The following EXD3 variants were observed in gnomAD, a reference collection of about 807,000 sequenced individuals.
The protein encoded by EXD3 is exonuclease 3'-5' domain containing 3.
Under a neutral mutation model 98.0 loss-of-function variants are expected in EXD3, and 92 were observed. The observed-to-expected ratio is 0.94, with a 90% CI of 0.79 to 1.12. EXD3 has a LOEUF of 1.12. Among genes scored for constraint, EXD3 ranks in the 50% most tolerant of loss-of-function variants. The probability of loss-of-function intolerance (pLI) is 0.00; values close to 1 mark genes in which losing one functional copy is unlikely to be tolerated. For missense variants in EXD3, 1,222 were observed against 1,191.6 expected, an observed-to-expected ratio of 1.03 and a Z score of -0.38; for synonymous variants, 569 against 526.0, an observed-to-expected ratio of 1.08 and a Z score of -1.12.
chr9:137,328,695 CA>C (rs1832675001), intron 17 of EXD3, among the ~76,000 whole-genome samples: 1 of 64,830 alleles, frequency 1.5e-5, no homozygotes, highest in Non-Finnish European at 2.8e-5. Flanking sequence ...CACGGGACTA[CA>C]CAGGGTCACA....
At chr9:137,399,616 G>A (rs867600411) in intron 1 of EXD3, among the ~76,000 whole-genome samples, 15 of 152,042 alleles carry the variant, frequency 9.9e-5, no homozygotes, top group South Asian at 6.2e-4. Flanking sequence ...TCATTTTCAC[G>A]CTGCTGATAA....
intron 8 of EXD3, among the ~76,000 whole-genome samples, chr9:137,355,835 C>G (rs1418544576): frequency 1.3e-5 from 2 of 152,192 alleles, no homozygotes; most frequent in African/African-American, 4.8e-5. Flanking sequence ...GGCCTCAGTG[C>G]ATCTTCCCGG....
intron 7 of EXD3, among the ~76,000 whole-genome samples, chr9:137,363,098 A>T (rs985149620): frequency 1.3e-5 from 2 of 152,012 alleles, no homozygotes; most frequent in African/African-American, 2.4e-5. Flanking sequence ...GGCATGAGTC[A>T]CCACACCCAG....
At chr9:137,310,149 C>A (rs538153092) in intron 19 of EXD3, among the ~76,000 whole-genome samples, 11 of 152,386 alleles carry the variant, frequency 7.2e-5, no homozygotes, top group African/African-American at 1.2e-4. Flanking sequence ...GCGCCTCCCA[C>A]TGCCCTGGGG....
Position 137,406,104 on chromosome 9 carries a change from T to A in EXD3, c.-47-10700A>T, listed in dbSNP as rs28379133. On this transcript the variant is annotated intron_variant, in intron 1 of 21. Coordinates refer to ENST00000340951, the MANE Select transcript of EXD3 (RefSeq NM_017820.5). The stretch of plus-strand genomic sequence containing the variant: ...GGTAACATGCACCTGTAGTCCCAGC[T>A]ACTCAGGAGGCTGAGGTGGGAGGAC... Among the ~76,000 whole-genome samples, 505 of 151,584 alleles carry A rather than the reference T, an allele frequency of 3.3e-3. 3 individuals carry two copies. The highest frequency in any genetic ancestry group is 0.012 in the African/African-American group (486 of 41,284).
intron 3 of EXD3, among the ~76,000 whole-genome samples, chr9:137,380,320 TCCC>T (rs1836169743): frequency 1.7e-4 from 2 of 11,770 alleles, no homozygotes; most frequent in Non-Finnish European, 1.7e-4. Context: ...TCCCCCCCAA[TCCC>T]CCTGCCAGTA....
In EXD3 at chr9:137,395,733, A is replaced by T. The variant is rs917705568; in HGVS notation, c.-47-329T>A. On this transcript the variant is annotated intron_variant, in intron 1 of 21. Transcript: ENST00000340951. The surrounding 1 kb of genome is among the most constrained non-coding windows in gnomAD (Gnocchi z 6.5). Reference sequence around the variant, plus strand: ...GGGGCCTGTTCTTGAGGACAGCGTGACCCCCCTTGCCATGTCCCCCTCAGG... The same window carrying T: ...GGGGCCTGTTCTTGAGGACAGCGTGTCCCCCCTTGCCATGTCCCCCTCAGG... Among the ~76,000 whole-genome samples, 2 of 151,530 alleles carry T rather than the reference A, an allele frequency of 1.3e-5. No homozygotes were observed. The highest frequency in any genetic ancestry group is 4.9e-5 in the African/African-American group (2 of 41,192).
At chr9:137,335,897 A>C (rs1833330145) in intron 17 of EXD3, among the ~76,000 whole-genome samples, 1 of 152,178 alleles carries the variant, frequency 6.6e-6, no homozygotes, top group Admixed American at 6.5e-5. Flanking sequence ...CTAAGTATCC[A>C]TCAAGCAATG....
chr9:137,343,260 C>T (rs1283543873), intron 17 of EXD3: 1 of 152,186 alleles, frequency 6.6e-6, no homozygotes, highest in Non-Finnish European at 1.5e-5. Flanking sequence ...TTCAGCTGCT[C>T]ACAGGATTAA....
At chr9:137,339,967 G>A (rs1376653537) in intron 17 of EXD3, among the ~76,000 whole-genome samples, 1 of 152,170 alleles carries the variant, frequency 6.6e-6, no homozygotes, top group Non-Finnish European at 1.5e-5. Context: ...CAGATGACGT[G>A]TACGAACAGA....
intron 19 of EXD3, among the ~76,000 whole-genome samples, chr9:137,321,766 C>T (rs571736789): frequency 3.3e-5 from 5 of 152,326 alleles, no homozygotes; most frequent in Admixed American, 3.3e-4. Flanking sequence ...TGATGTGGCC[C>T]TAACTGCGGA....
At chr9:137,313,625 G>A (rs999700691) in intron 19 of EXD3, among the ~76,000 whole-genome samples, 3 of 152,178 alleles carry the variant, frequency 2.0e-5, no homozygotes, top group Non-Finnish European at 4.4e-5. Flanking sequence ...TGGGCCCCAT[G>A]GGGGGTGTGG....
intron 17 of EXD3, among the ~76,000 whole-genome samples, chr9:137,326,114 CAG>C (rs1046338139): frequency 6.6e-6 from 1 of 150,382 alleles, no homozygotes; most frequent in Non-Finnish European, 1.5e-5. Flanking sequence ...GAAGAAGACA[CAG>C]GGGAACACTT....
rs1481947265 is a variant in EXD3, at chr9:137,371,931, G to A, written c.462+974C>T. Among the ~76,000 whole-genome samples the A allele has an allele frequency of 6.6e-6, 1 of 152,000 alleles. No individual in the cohort carries two copies. The stretch of plus-strand genomic sequence containing the variant: ...CAAGACGGCCGCCTCCCTACCCACT[G>A]CAGGCCCCACTGCTCCCTACTGTTC... On this transcript the variant is annotated intron_variant, in intron 5 of 21. Coordinates refer to ENST00000340951, the MANE Select transcript of EXD3 (RefSeq NM_017820.5). This position sits in a 1 kb window ranked among gnomAD's most constrained non-coding sequence, Gnocchi z 8.0.
intron 1 of EXD3, among the ~76,000 whole-genome samples, chr9:137,419,303 C>T (rs912946885): frequency 2.4e-4 from 37 of 152,198 alleles, no homozygotes; most frequent in African/African-American, 8.9e-4. Context: ...CTGCCAATCG[C>T]GTCTTCACCC....
At chr9:137,381,601 T>C (rs1249195123) in intron 3 of EXD3, among the ~76,000 whole-genome samples, 9 of 152,030 alleles carry the variant, frequency 5.9e-5, no homozygotes, top group Non-Finnish European at 1.2e-4. Context: ...ACCCGCCCGG[T>C]GTGCTGGCTC....
chr9:137,372,312 G>C (rs1835663089), intron 5 of EXD3, among the ~76,000 whole-genome samples: 1 of 152,244 alleles, frequency 6.6e-6, no homozygotes, highest in Non-Finnish European at 1.5e-5. Flanking sequence ...TGTGTCCCAG[G>C]CGCCGGCACT....
intron 19 of EXD3, among the ~76,000 whole-genome samples, chr9:137,322,733 A>C (rs866382143): frequency 8.2e-5 from 5 of 61,238 alleles, no homozygotes; most frequent in Admixed American, 1.9e-4. Context: ...CCCCAGACCC[A>C]CGAGGGATGC....
chr9:137,396,014 C>A (rs1341725370), intron 1 of EXD3, among the ~76,000 whole-genome samples: 1 of 150,516 alleles, frequency 6.6e-6, no homozygotes, highest in African/African-American at 2.5e-5. Flanking sequence ...AATGCCCAGG[C>A]TGGAGTGCAG....
Sources: gnomAD v4.1 joint callset for allele counts (sites outside exome capture counted in the v4.1 genomes callset) on GRCh38, gnomAD v4.1.1 for gene constraint, Gnocchi (gnomAD v3.1) non-coding constraint, MANE v1.5 for transcripts, NCBI Gene and HGNC (gene_info 2026-07-23, HGNC 2026-07-21) for gene names.